ANO3: variants seen among roughly 807,000 people sequenced by gnomAD.
ANO3 encodes the protein anoctamin-3.
A neutral mutation model predicts 144.8 loss-of-function variants in ANO3; 99 were observed. That is an observed-to-expected ratio of 0.68 (90% CI 0.58 to 0.81). ANO3 has a LOEUF of 0.81. Among genes scored for constraint, ANO3 ranks in the 30% least tolerant of loss-of-function variants. The probability of loss-of-function intolerance (pLI) is 0.00; values close to 1 mark genes in which losing one functional copy is unlikely to be tolerated. For missense variants in ANO3, 905 were observed against 1,202.2 expected, an observed-to-expected ratio of 0.75 and a Z score of 3.66; for synonymous variants, 414 against 392.6, an observed-to-expected ratio of 1.05 and a Z score of -0.64.
At chr11:26,469,860 T>A (rs1441409391) in intron 4 of ANO3, among the ~76,000 whole-genome samples, 3 of 151,348 alleles carry the variant, frequency 2.0e-5, no homozygotes, top group African/African-American at 7.3e-5. Context: ...TATATAACGA[T>A]CAGCTGTACT....
intron 1 of ANO3, among the ~76,000 whole-genome samples, chr11:26,356,984 C>G (rs1855801085): frequency 6.6e-6 from 1 of 152,176 alleles, no homozygotes; most frequent in African/African-American, 2.4e-5. Context: ...GACAGTCTCC[C>G]CATCTCAAGA....
At chr11:26,487,941 G>A (rs954676761) in intron 4 of ANO3, among the ~76,000 whole-genome samples, 1 of 152,168 alleles carries the variant, frequency 6.6e-6, no homozygotes, top group African/African-American at 2.4e-5. Context: ...GCCGAGGTGG[G>A]CAGATCATGA....
chr11:26,549,825 C>T, intron 12 of ANO3, among the ~76,000 whole-genome samples: 1 of 151,898 alleles, frequency 6.6e-6, no homozygotes, highest in East Asian at 1.9e-4. Context: ...AGCCCCAACT[C>T]TCTGGCCTAT....
intron 4 of ANO3, among the ~76,000 whole-genome samples, chr11:26,498,611 CT>C: frequency 6.6e-6 from 1 of 150,938 alleles, no homozygotes; most frequent in South Asian, 2.1e-4. Context: ...TCATATTGAG[CT>C]GGAACAAGTT....
chr11:26,581,873 T>C (rs1476578986), intron 14 of ANO3, among the ~76,000 whole-genome samples: 1 of 152,106 alleles, frequency 6.6e-6, no homozygotes, highest in Admixed American at 6.6e-5. Flanking sequence ...GAAAATTATC[T>C]TCATGCAGGG....
chr11:26,616,010 GT>G (rs1852250336), intron 17 of ANO3, among the ~76,000 whole-genome samples: 1 of 152,096 alleles, frequency 6.6e-6, no homozygotes, highest in Non-Finnish European at 1.5e-5. Context: ...ATATAAACAA[GT>G]TTTAAAAAAT....
chr11:26,628,946 C>G (rs1332993837), intron 18 of ANO3, among the ~76,000 whole-genome samples: 1 of 152,030 alleles, frequency 6.6e-6, no homozygotes, highest in African/African-American at 2.4e-5. Context: ...AACTGGCTTC[C>G]AGGAAGACAA....
At chr11:26,344,160 A>G (rs1564974430) in intron 1 of ANO3, among the ~76,000 whole-genome samples, 1 of 152,190 alleles carries the variant, frequency 6.6e-6, no homozygotes, top group Non-Finnish European at 1.5e-5. Flanking sequence ...ATAGAGAGCA[A>G]TATTATTCAT....
intron 1 of ANO3, among the ~76,000 whole-genome samples, chr11:26,283,321 AATATATATATATATATATATATATATAT>A (rs58419788): frequency 6.9e-4 from 34 of 49,138 alleles, no homozygotes; most frequent in African/African-American, 2.0e-3. Context: ...CAAATAAATA[AATATATATATATATATATATATATATAT>A]ATATATATAT....
At chr11:26,561,172 T>C in intron 14 of ANO3, 4 of 1,612,708 alleles carry the variant, frequency 2.5e-6, no homozygotes, top group Middle Eastern at 1.7e-4. Context: ...TTGTAGTAGC[T>C]AGAATTCCCA....
upstream of ANO3, among the ~76,000 whole-genome samples, chr11:26,308,742 T>C (rs17308992): frequency 0.086 from 13,077 of 152,222 alleles, 683 homozygotes; most frequent in Non-Finnish European, 0.12. Context: ...GAACTGATTG[T>C]CTAATGAGGG....
chr11:26,473,954 C>G (rs1203580570), intron 4 of ANO3: 1 of 984,936 alleles, frequency 1.0e-6, no homozygotes, highest in Non-Finnish European at 1.2e-6. Context: ...ACCCTCCAGT[C>G]AAATGCTTTG....
chr11:26,448,891 T>C (rs1858809924), intron 3 of ANO3, among the ~76,000 whole-genome samples: 1 of 152,194 alleles, frequency 6.6e-6, no homozygotes, highest in Admixed American at 6.5e-5. Context: ...GTTGGTACGC[T>C]GGTACAATAA....
chr11:26,209,133 T>C (rs1297305943), intron 1 of ANO3, among the ~76,000 whole-genome samples: 1 of 152,198 alleles, frequency 6.6e-6, no homozygotes, highest in Admixed American at 6.5e-5. Context: ...CTCCTAATGC[T>C]ATCCCTCCCC....
At chr11:26,439,360 G>A (rs1345974460) in intron 1 of ANO3, among the ~76,000 whole-genome samples, 2 of 152,114 alleles carry the variant, frequency 1.3e-5, no homozygotes, top group African/African-American at 2.4e-5. Flanking sequence ...GTGTTTCCAA[G>A]AACACAATCA....
At chr11:26,239,338 G>A (rs1252370674) in intron 1 of ANO3, among the ~76,000 whole-genome samples, 2 of 152,082 alleles carry the variant, frequency 1.3e-5, no homozygotes, top group African/African-American at 4.8e-5. Context: ...GAAAGAAGCA[G>A]GCCTAATTTT....
intron 3 of ANO3, among the ~76,000 whole-genome samples, chr11:26,449,990 A>C (rs1487247206): frequency 6.6e-6 from 1 of 152,138 alleles, no homozygotes; most frequent in Non-Finnish European, 1.5e-5. Context: ...TCCTGACCTC[A>C]GGCAATCCGC....
At chr11:26,592,097 T>C (rs1391769836) in intron 14 of ANO3, among the ~76,000 whole-genome samples, 1 of 152,154 alleles carries the variant, frequency 6.6e-6, no homozygotes, top group Admixed American at 6.5e-5. Flanking sequence ...GGAGGTGATG[T>C]CTTCAATTAA....
intron 1 of ANO3, among the ~76,000 whole-genome samples, chr11:26,373,301 C>G (rs1237700311): frequency 6.6e-6 from 1 of 152,096 alleles, no homozygotes; most frequent in Admixed American, 6.5e-5. Context: ...GACGGTTCCC[C>G]CATGCTGTTT....
Sources: allele counts gnomAD v4.1 joint callset (sites outside exome capture counted in the v4.1 genomes callset), GRCh38; gene constraint gnomAD v4.1.1; transcripts MANE v1.5; gene names NCBI Gene and HGNC (gene_info 2026-07-23, HGNC 2026-07-21).